The following GNA15 variants were observed in gnomAD, a reference collection of about 807,000 sequenced individuals.
The protein encoded by GNA15 is G protein subunit alpha 15.
A neutral mutation model predicts 40.1 loss-of-function variants in GNA15; 23 were observed. The observed-to-expected ratio is 0.57, with a 90% CI of 0.41 to 0.81. The LOEUF is 0.81. GNA15 is among the 40% of genes least tolerant of loss of function. GNA15 has a pLI of 0.00. For synonymous variants in GNA15, 226 were observed against 210.4 expected, an observed-to-expected ratio of 1.07 and a Z score of -0.64; for missense variants, 522 against 515.8, an observed-to-expected ratio of 1.01 and a Z score of -0.12.
rs771187061 is a variant in GNA15 at position 3,162,797 on chromosome 19, T to G, written c.903T>G (p.Pro301=). ...CTTCCCACACTGTTTCCCCAGGCCCTAAGCAGGATGCTGAGGCAGCCAAGA... is the reference window on the plus strand; with the variant it reads ...CTTCCCACACTGTTTCCCCAGGCCCGAAGCAGGATGCTGAGGCAGCCAAGA... ...LATYFPSFQG[P]KQDAEAAKRF... is the part of the protein sequence containing the mutation. Residue 301 remains proline, a synonymous_variant, in exon 7 of 7, where the codon CCT becomes CCG. Coordinates refer to ENST00000262958, the MANE Select transcript of GNA15 (RefSeq NM_002068.4). The G allele has an allele frequency of 1.2e-5, 19 of 1,612,226 alleles. No homozygotes were observed. The Admixed American group carries it at 3.2e-4, about 27-fold the overall frequency.
In GNA15 at chr19:3,136,283, T is replaced by C. The variant is rs113342716; in HGVS notation, c.-168T>C. ...CGCCGAGCCGGGCTTCCTGGGTGTT[T>C]CAGGCAAGGAAGTCTAGGTCCCTGG... On this transcript the variant is annotated 5_prime_UTR_variant, in exon 1 of 7. Transcript: ENST00000262958. The surrounding 1 kb of genome is among the most constrained non-coding windows in gnomAD (Gnocchi z 4.9). The C allele has an allele frequency of 6.2e-3, 3,960 of 641,768 alleles. 118 individuals carry two copies. In the African/African-American group the frequency reaches 0.068, roughly 11 times the overall value. The allele number at this position is 641,768 out of a possible 1,614,324, so 39.8% of individuals were successfully genotyped here.
chr19:3,146,979 G>A (rs372758519), intron 1 of GNA15, among the ~76,000 whole-genome samples: 6 of 151,548 alleles, frequency 4.0e-5, no homozygotes, highest in East Asian at 2.0e-4. Flanking sequence ...TGCCAGGTGC[G>A]GCCCTGCCCC....
rs1599328777 is a variant in GNA15 at position 3,155,723 on chromosome 19, C to T, written c.615-100C>T. On this transcript the variant is annotated intron_variant, in intron 4 of 6. Coordinates refer to ENST00000262958, the MANE Select transcript of GNA15 (RefSeq NM_002068.4). The surrounding 1 kb of genome is among the most constrained non-coding windows in gnomAD (Gnocchi z 5.6). Reference sequence around the variant, plus strand: ...AGAGGCTAGCACCTATTCTTGCTGTCGCTATTATGGATCTTGGCATATCCC... The same window carrying T: ...AGAGGCTAGCACCTATTCTTGCTGTTGCTATTATGGATCTTGGCATATCCC... 4 of 1,348,744 alleles carry T rather than the reference C, an allele frequency of 3.0e-6. No homozygotes were observed. Among genetic ancestry groups the T allele is most frequent in the East Asian group, 4.7e-5 (2 of 43,006 alleles). The allele number at this position is 1,348,744 out of a possible 1,614,324, so 83.5% of individuals were successfully genotyped here.
At chr19:3,159,198 G>A (rs546253329) in intron 6 of GNA15, among the ~76,000 whole-genome samples, 5 of 149,260 alleles carry the variant, frequency 3.3e-5, no homozygotes, top group Non-Finnish European at 7.4e-5. Flanking sequence ...CTAGTTTTTT[G>A]TATTTTTGGT....
rs535170523 is a variant in GNA15, at chr19:3,144,718, CG to C, written c.146-3869del. On this transcript the variant is annotated intron_variant, in intron 1 of 6. Coordinates refer to ENST00000262958, the MANE Select transcript of GNA15 (RefSeq NM_002068.4). ...TAATTTTTTGTATTTTTAGTAGAGA[CG>C]GGGTTTCACCGTGTTAGCCAGGATG... Among the ~76,000 whole-genome samples the C allele has an allele frequency of 1.1e-3, 162 of 150,762 alleles. 1 individual carries two copies. In the South Asian group the frequency reaches 0.014, roughly 13 times the overall value.
At position 3,145,026 on chromosome 19, in the gene GNA15, T is replaced by C. The variant is rs913483831; in HGVS notation, c.146-3565T>C. 1.3e-4 allele frequency among the ~76,000 whole-genome samples: 19 copies of C among 150,998 alleles called. No individual in the cohort carries two copies. In the East Asian group the frequency reaches 3.7e-3, roughly 29 times the overall value. ...GTATTTTTAGTAGAGACAGGGTTTTTGTATTTTTAGTAGAGACAGGGTTTC... is the reference window on the plus strand; with the variant it reads ...GTATTTTTAGTAGAGACAGGGTTTTCGTATTTTTAGTAGAGACAGGGTTTC... On this transcript the variant is annotated intron_variant, in intron 1 of 6. Transcript: ENST00000262958.
chr19:3,144,738 C>A (rs1300554648), intron 1 of GNA15, among the ~76,000 whole-genome samples: 1 of 150,758 alleles, frequency 6.6e-6, no homozygotes, highest in Non-Finnish European at 1.5e-5. Flanking sequence ...CCGTGTTAGC[C>A]AGGATGGTCT....
intron 1 of GNA15, among the ~76,000 whole-genome samples, chr19:3,139,374 C>T (rs375849891): frequency 1.3e-5 from 2 of 151,944 alleles, no homozygotes; most frequent in African/African-American, 4.8e-5. Context: ...ATTGCTTGAG[C>T]TTAGGAGTTT....
At chr19:3,143,672 A>AT (rs1599320459) in intron 1 of GNA15, among the ~76,000 whole-genome samples, 2 of 151,956 alleles carry the variant, frequency 1.3e-5, no homozygotes, top group Middle Eastern at 3.4e-3. Flanking sequence ...AATAATAATA[A>AT]AAAATAAAAG....
At chr19:3,156,218 G>A (rs1234904309) in intron 5 of GNA15, among the ~76,000 whole-genome samples, 2 of 127,412 alleles carry the variant, frequency 1.6e-5, no homozygotes, top group South Asian at 5.4e-4. Flanking sequence ...GTGCACACAC[G>A]CACATACACA....
intron 1 of GNA15, among the ~76,000 whole-genome samples, chr19:3,138,123 G>A (rs916065456): frequency 5.9e-5 from 9 of 151,758 alleles, no homozygotes; most frequent in South Asian, 2.1e-4. Flanking sequence ...AAAATTAGCC[G>A]GGTGTGGTGG....
At chr19:3,147,715 T>G (rs1201758916) in intron 1 of GNA15, among the ~76,000 whole-genome samples, 1 of 150,786 alleles carries the variant, frequency 6.6e-6, no homozygotes, top group Non-Finnish European at 1.5e-5. Flanking sequence ...TGAAACCCCG[T>G]CTCTACTAAA....
chr19:3,156,004 C>T, intron 5 of GNA15, 52 bp downstream of exon 5: 1 of 1,570,734 alleles, frequency 6.4e-7, no homozygotes, highest in East Asian at 2.2e-5. Context: ...GGGACCCTCA[C>T]CTGAGCAGGA....
rs1914842765 is a variant in GNA15, at chr19:3,150,162, C to G, written c.362C>G (p.Pro121Arg). 2 of 1,613,484 alleles carry G rather than the reference C, an allele frequency of 1.2e-6. No individual in the cohort carries two copies. The highest frequency in any genetic ancestry group is 4.5e-5 in the East Asian group (2 of 44,860). The change falls in exon 3 of 7, where the codon CCC (proline) becomes CGC (arginine). Residue 121 changes from proline to arginine, a missense_variant. Physicochemically the swap from Pro to Arg is moderately radical, Grantham distance 103. Transcript: ENST00000262958. The stretch of plus-strand genomic sequence containing the variant: ...GCTAGCCTGGTCATGAGCCAGGACC[C>G]CTATAAAGTGACCACGTTTGAGAAG... ...HHASLVMSQD[P>R]YKVTTFEKRY... is the part of the protein sequence containing the mutation.
intron 1 of GNA15, among the ~76,000 whole-genome samples, chr19:3,142,744 C>T (rs1281682636): frequency 6.6e-6 from 1 of 152,064 alleles, no homozygotes; most frequent in Non-Finnish European, 1.5e-5. Context: ...TGGTGGTGCA[C>T]GCCTCTAATC....
intron 1 of GNA15, among the ~76,000 whole-genome samples, chr19:3,139,860 C>T (rs546241607): frequency 1.3e-5 from 2 of 150,712 alleles, no homozygotes; most frequent in South Asian, 2.1e-4. Context: ...GTGGTGAAAC[C>T]CCATCTCTAC....
rs563807172 is a variant in GNA15 at position 3,151,959 on chromosome 19, G to A, written c.614+124G>A. 6.1e-6 allele frequency: 4 copies of A among 658,242 alleles called. No homozygotes were observed. The highest frequency in any genetic ancestry group is 9.8e-6 in the Non-Finnish European group (4 of 406,560). 40.8% of individuals were successfully genotyped at this position (658,242 alleles called of 1,614,324 possible). ...GGCCCAGCCTTCAAGGAGCTGCCAA[G>A]CTAGGGGAAGCAAAGCTCCATGTAG... On this transcript the variant is annotated intron_variant, in intron 4 of 6. Coordinates refer to ENST00000262958, the MANE Select transcript of GNA15 (RefSeq NM_002068.4). The surrounding 1 kb of genome is among the most constrained non-coding windows in gnomAD (Gnocchi z 5.0).
chr19:3,147,414 G>C (rs544581100), intron 1 of GNA15, among the ~76,000 whole-genome samples: 2 of 152,004 alleles, frequency 1.3e-5, no homozygotes, highest in East Asian at 3.9e-4. Context: ...TTAACTAGGC[G>C]TGGTGGCACG....
chr19:3,159,623 G>A (rs920678082), intron 6 of GNA15, among the ~76,000 whole-genome samples: 1 of 152,158 alleles, frequency 6.6e-6, no homozygotes, highest in Non-Finnish European at 1.5e-5. Context: ...GATTACAGGC[G>A]TGAGCCACCA....
Sources: gnomAD v4.1 joint callset for allele counts (sites outside exome capture counted in the v4.1 genomes callset) on GRCh38, gnomAD v4.1.1 for gene constraint, Gnocchi (gnomAD v3.1) non-coding constraint, MANE v1.5 for transcripts, NCBI Gene and HGNC (gene_info 2026-07-23, HGNC 2026-07-21) for gene names.